Variants in LCN9 observed in about 807,000 individuals in gnomAD.
LCN9 encodes epididymal-specific lipocalin-9.
LCN9 carries 22 observed loss-of-function variants against 18.5 expected under a neutral mutation model. The observed-to-expected ratio is 1.19, with a 90% CI of 0.85 to 1.70. The LOEUF (loss-of-function observed/expected upper bound fraction) is 1.70. LCN9 is among the 40% of genes most tolerant of loss of function. LCN9 has a pLI of 0.00. For missense variants in LCN9, 202 were observed against 201.3 expected (o/e 1.00, Z -0.02); for synonymous variants, 89 against 83.0 (o/e 1.07, Z -0.39).
chr9:135,665,847 C>CA lies in LCN9; in HGVS notation c.*10-14_*10-13insA. The CA allele has an allele frequency of 1.2e-6, 2 of 1,612,662 alleles. No individual in the cohort carries two copies. Among genetic ancestry groups the CA allele is most frequent in the Non-Finnish European group, 1.7e-6 (2 of 1,179,378 alleles). ...TCCCTGTCCCTGCGCTGAGAGCCCC[C>CA]TCTGTCCTTCCAGATCCCTGCTACT... On this transcript the variant is annotated splice_polypyrimidine_tract_variant and intron_variant, in intron 5 of 5. Coordinates refer to ENST00000619315, the Ensembl canonical transcript of LCN9. This position sits in a 1 kb window ranked among gnomAD's most constrained non-coding sequence, Gnocchi z 5.9.
Position 135,664,737 on chromosome 9 carries a change from T to C in LCN9, c.249T>C (p.Cys83=). 6.3e-7 allele frequency: 1 copy of C among 1,597,726 alleles called. No homozygotes were observed. Among genetic ancestry groups the C allele is most frequent in the Non-Finnish European group, 8.5e-7 (1 of 1,172,816 alleles). ...TGGCTTCCAGGGTGCAGGGGGAGTG[T>C]GTGGCTGTGGTCGTGGTCTGCGAGA... Residue 83 remains cysteine (C), a synonymous_variant, in exon 3 of 6, where the codon TGT becomes TGC. Transcript: ENST00000619315. The surrounding 1 kb of genome is among the most constrained non-coding windows in gnomAD (Gnocchi z 4.5).
Position 135,664,067 on chromosome 9 carries a change from C to A in LCN9, c.97-95C>A. On this transcript the variant is annotated intron_variant, in intron 1 of 5. Transcript: ENST00000619315. This position sits in a 1 kb window ranked among gnomAD's most constrained non-coding sequence, Gnocchi z 4.5. The stretch of plus-strand genomic sequence containing the variant: ...AGGGGTTCTGGTTGGGAGCCAGATG[C>A]TAAGGGGCCGGGCCCTGGGAGGGAA... The A allele has an allele frequency of 7.2e-7, 1 of 1,385,380 alleles. No individual in the cohort carries two copies. Among genetic ancestry groups the A allele is most frequent in the Non-Finnish European group, 9.8e-7 (1 of 1,019,622 alleles). The allele number at this position is 1,385,380 out of a possible 1,614,324, so 85.8% of individuals were successfully genotyped here.
rs145736446 is a variant in LCN9 at position 135,665,210 on chromosome 9, G to A, written c.308-35G>A. 7.0e-4 allele frequency: 995 copies of A among 1,424,448 alleles called. 2 individuals carry two copies. The highest frequency in any genetic ancestry group is 8.5e-4 in the Non-Finnish European group (874 of 1,029,280). The allele number at this position is 1,424,448 out of a possible 1,614,324, so 88.2% of individuals were successfully genotyped here. ...CGTGTCACAGGACCCTGAGGGTGGC[G>A]GGGCCAGGCCACGCTGAGCCATGTC... On this transcript the variant is annotated intron_variant, in intron 3 of 5. Coordinates refer to ENST00000619315, the Ensembl canonical transcript of LCN9. The surrounding 1 kb of genome is among the most constrained non-coding windows in gnomAD (Gnocchi z 5.9).
At position 135,664,157 on chromosome 9, in the gene LCN9, T is replaced by C. The variant is rs1834176130; in HGVS notation, c.97-5T>C. Reference sequence around the variant, plus strand: ...CCCCCACCCACTGGAGCTCTTTGTCTTCAGGTTTCAGGGGTCTGGTATTCT... The same window carrying C: ...CCCCCACCCACTGGAGCTCTTTGTCCTCAGGTTTCAGGGGTCTGGTATTCT... On this transcript the variant is annotated splice_region_variant and splice_polypyrimidine_tract_variant and intron_variant, in intron 1 of 5. Transcript: ENST00000619315. This position sits in a 1 kb window ranked among gnomAD's most constrained non-coding sequence, Gnocchi z 4.5. 2.5e-6 allele frequency: 4 copies of C among 1,613,062 alleles called. No individual in the cohort carries two copies. Among genetic ancestry groups the C allele is most frequent in the Non-Finnish European group, 3.4e-6 (4 of 1,179,486 alleles).
chr9:135,664,874 C>A lies in LCN9; in HGVS notation c.307+79C>A. ...AGGGCCTGGGCCATATTCTGGTGAG[C>A]ACTGACTCTGGGGATTTTAGTTAAG... On this transcript the variant is annotated intron_variant, in intron 3 of 5. Coordinates refer to ENST00000619315, the Ensembl canonical transcript of LCN9. The surrounding 1 kb of genome is among the most constrained non-coding windows in gnomAD (Gnocchi z 4.5). The A allele has an allele frequency of 7.1e-7, 1 of 1,411,012 alleles. No homozygotes were observed. Among genetic ancestry groups the A allele is most frequent in the Non-Finnish European group, 9.7e-7 (1 of 1,029,848 alleles). 87.4% of individuals were successfully genotyped at this position (1,411,012 alleles called of 1,614,324 possible).
rs1324553509 is a variant in LCN9 at position 135,664,656 on chromosome 9, C to T, written c.234-66C>T. ...GAGCCTGTGCCCTGGAGGAGGGGTG[C>T]TCTCTGCCATCGCACGTCCAGGGGG... On this transcript the variant is annotated intron_variant, in intron 2 of 5. Transcript: ENST00000619315. The surrounding 1 kb of genome is among the most constrained non-coding windows in gnomAD (Gnocchi z 4.5). 2 of 1,382,340 alleles carry T rather than the reference C, an allele frequency of 1.4e-6. No homozygotes were observed. Among genetic ancestry groups the T allele is most frequent in the African/African-American group, 1.5e-5 (1 of 68,382 alleles). The allele number at this position is 1,382,340 out of a possible 1,614,324, so 85.6% of individuals were successfully genotyped here. A position where few individuals can be genotyped will look rare whatever the true frequency, so the allele number is the denominator to read the frequency against.
rs756809247 is a variant in LCN9 at position 135,665,935 on chromosome 9, G to A, written c.*84G>A. Reference sequence around the variant, plus strand: ...TGAGCTGCGACTCGGGACGGGCAGGGGGCTGGATGGGGAGAGCTTGGGGCC... The same window carrying A: ...TGAGCTGCGACTCGGGACGGGCAGGAGGCTGGATGGGGAGAGCTTGGGGCC... On this transcript the variant is annotated 3_prime_UTR_variant, in exon 6 of 6. Coordinates refer to ENST00000619315, the Ensembl canonical transcript of LCN9. This position sits in a 1 kb window ranked among gnomAD's most constrained non-coding sequence, Gnocchi z 5.9. 1.2e-6 allele frequency: 2 copies of A among 1,605,786 alleles called. No individual in the cohort carries two copies. The highest frequency in any genetic ancestry group is 1.1e-5 in the South Asian group (1 of 90,310).
At chr9:135,666,207 G>A in exon 6 of LCN9, 1 of 1,497,612 alleles carries the variant, frequency 6.7e-7, no homozygotes, top group East Asian at 2.3e-5. Flanking sequence ...TCACAGCCTG[G>A]AGCCCGAGGT....
chr9:135,666,240 C>A, exon 6 of LCN9: 3 of 1,216,484 alleles, frequency 2.5e-6, no homozygotes, highest in South Asian at 1.5e-5. Context: ...GTCCGCAGGG[C>A]TGTGCTCCCT....
At position 135,665,826 on chromosome 9, in the gene LCN9, T is replaced by G; in HGVS notation, c.*10-35T>G. On this transcript the variant is annotated intron_variant, in intron 5 of 5. Coordinates refer to ENST00000619315, the Ensembl canonical transcript of LCN9. This position sits in a 1 kb window ranked among gnomAD's most constrained non-coding sequence, Gnocchi z 5.9. ...ATGGGAGGTGTGCCTGCGGGGTCCC[T>G]GTCCCTGCGCTGAGAGCCCCCTCTG... 1 of 1,611,760 alleles carries G rather than the reference T, an allele frequency of 6.2e-7. No homozygotes were observed. Among genetic ancestry groups the G allele is most frequent in the Admixed American group, 1.7e-5 (1 of 59,740 alleles).
chr9:135,666,867 C>A (rs936081813), exon 6 of LCN9, among the ~76,000 whole-genome samples: 3 of 150,842 alleles, frequency 2.0e-5, no homozygotes, highest in African/African-American at 4.9e-5. Context: ...TCAGCCACTG[C>A]CTTTGGGGGA....
Position 135,665,782 on chromosome 9 carries a change from G to A in LCN9, c.*9+30G>A, listed in dbSNP as rs1834209629. On this transcript the variant is annotated intron_variant, in intron 5 of 5. Coordinates refer to ENST00000619315, the Ensembl canonical transcript of LCN9. This position sits in a 1 kb window ranked among gnomAD's most constrained non-coding sequence, Gnocchi z 5.9. ...GCCCCACTGCTCCCGGACCAAGCGG[G>A]AGCCGGGACAGGGTGGGGATGGGAG... 6.2e-7 allele frequency: 1 copy of A among 1,612,748 alleles called. No homozygotes were observed. Among genetic ancestry groups the A allele is most frequent in the Non-Finnish European group, 8.5e-7 (1 of 1,179,382 alleles).
chr9:135,664,680 GGCTGGA>G lies in LCN9; in HGVS notation c.234-38_234-33del. On this transcript the variant is annotated intron_variant, in intron 2 of 5. Coordinates refer to ENST00000619315, the Ensembl canonical transcript of LCN9. This position sits in a 1 kb window ranked among gnomAD's most constrained non-coding sequence, Gnocchi z 4.5. ...GCTCTCTGCCATCGCACGTCCAGGG[GGCTGGA>G]GCTCCACTCCCGGCATCTTCCTGGC... 2.0e-6 allele frequency: 3 copies of G among 1,528,738 alleles called. No individual in the cohort carries two copies. Among genetic ancestry groups the G allele is most frequent in the Non-Finnish European group, 2.6e-6 (3 of 1,134,116 alleles). The allele number at this position is 1,528,738 out of a possible 1,614,324, so 94.7% of individuals were successfully genotyped here.
chr9:135,664,350 C>T lies in LCN9; in HGVS notation c.233+52C>T. 1.9e-6 allele frequency: 3 copies of T among 1,605,376 alleles called. No individual in the cohort carries two copies. The highest frequency in any genetic ancestry group is 2.6e-6 in the Non-Finnish European group (3 of 1,174,198). On this transcript the variant is annotated intron_variant, in intron 2 of 5. Coordinates refer to ENST00000619315, the Ensembl canonical transcript of LCN9. The surrounding 1 kb of genome is among the most constrained non-coding windows in gnomAD (Gnocchi z 4.5). ...TCAGGAAGACCCATGCCCCTGCCACCCCAACGCATACTCTCACTCTTGCAC... is the reference window on the plus strand; with the variant it reads ...TCAGGAAGACCCATGCCCCTGCCACTCCAACGCATACTCTCACTCTTGCAC...
At position 135,664,738 on chromosome 9, in the gene LCN9, G is replaced by A; in HGVS notation, c.250G>A (p.Val84Met). The A allele has an allele frequency of 6.3e-6, 10 of 1,598,414 alleles. No individual in the cohort carries two copies. The highest frequency in any genetic ancestry group is 8.5e-6 in the Non-Finnish European group (10 of 1,173,016). ...GGCTTCCAGGGTGCAGGGGGAGTGT[G>A]TGGCTGTGGTCGTGGTCTGCGAGAA... Residue 84 changes from valine to methionine, a missense_variant, in exon 3 of 6, where the codon GTG becomes ATG. Transcript: ENST00000619315. The surrounding 1 kb of genome is among the most constrained non-coding windows in gnomAD (Gnocchi z 4.5).
In LCN9 at chr9:135,664,445, G is replaced by T; in HGVS notation, c.233+147G>T. On this transcript the variant is annotated intron_variant, in intron 2 of 5. Transcript: ENST00000619315. The surrounding 1 kb of genome is among the most constrained non-coding windows in gnomAD (Gnocchi z 4.5). ...GAGCCTGTGCGTGTGACCCTTGGGG[G>T]CAGGGTGAGGTGGGAGCAGGGACTT... is the stretch of plus-strand genomic sequence containing the variant. 2 of 1,093,200 alleles carry T rather than the reference G, an allele frequency of 1.8e-6. No individual in the cohort carries two copies. The highest frequency in any genetic ancestry group is 2.7e-6 in the Non-Finnish European group (2 of 745,180). 67.7% of individuals were successfully genotyped at this position (1,093,200 alleles called of 1,614,324 possible).
rs1191156784 is a variant in LCN9, at chr9:135,665,346, G to A, written c.409G>A (p.Ala137Thr). The change falls in exon 4 of 6, where the codon GCG becomes ACG. Residue 137 changes from alanine (A) to threonine (T), a missense_variant. By Grantham distance (58) the Ala-to-Thr change is moderately conservative. Coordinates refer to ENST00000619315, the Ensembl canonical transcript of LCN9. The surrounding 1 kb of genome is among the most constrained non-coding windows in gnomAD (Gnocchi z 5.9). ...GAACGGGACCGAGACCCACACGCTG[G>A]CGCTCTATGGTACCTCCGCTGTCCC... is the stretch of plus-strand genomic sequence containing the variant. The A allele has an allele frequency of 6.3e-7, 1 of 1,596,866 alleles. No homozygotes were observed. The highest frequency in any genetic ancestry group is 1.7e-5 in the Admixed American group (1 of 57,836).
rs1834177983 is a variant in LCN9, at chr9:135,664,237, G to T, written c.172G>T (p.Val58Phe). The T allele has an allele frequency of 6.2e-7, 1 of 1,613,716 alleles. No homozygotes were observed. The highest frequency in any genetic ancestry group is 8.5e-7 in the Non-Finnish European group (1 of 1,179,808). ...GATTAAAGAAAATGGAGACCTGAGG[G>T]TCTTCGTCCGGAATATTGAACACTT... The change falls in exon 2 of 6, where the codon GTC becomes TTC. Residue 58 changes from valine to phenylalanine, a missense_variant. Coordinates refer to ENST00000619315, the Ensembl canonical transcript of LCN9. This position sits in a 1 kb window ranked among gnomAD's most constrained non-coding sequence, Gnocchi z 4.5.
chr9:135,665,248 A>T lies in LCN9; in HGVS notation c.311A>T (p.Glu104Val). The T allele has an allele frequency of 6.3e-7, 1 of 1,587,992 alleles. No homozygotes were observed. The highest frequency in any genetic ancestry group is 1.2e-5 in the South Asian group (1 of 86,912). ...GCTGAGCCATGTCTCCACGCAGATG[A>T]GGGCCAGAACACAGTGGCCGTCTCG... The change falls in exon 4 of 6, where the codon GAG (glutamate) becomes GTG (valine). Residue 104 changes from glutamate to valine, a missense_variant. By Grantham distance (121) the Glu-to-Val change is moderately radical. Coordinates refer to ENST00000619315, the Ensembl canonical transcript of LCN9. The surrounding 1 kb of genome is among the most constrained non-coding windows in gnomAD (Gnocchi z 5.9).
Sources: gnomAD v4.1 joint callset for allele counts (sites outside exome capture counted in the v4.1 genomes callset) on GRCh38, gnomAD v4.1.1 for gene constraint, Gnocchi (gnomAD v3.1) non-coding constraint, MANE v1.5 for transcripts, NCBI Gene and HGNC (gene_info 2026-07-23, HGNC 2026-07-21) for gene names.